Variants in CACNG2 observed in about 807,000 individuals in gnomAD.
CACNG2 encodes calcium voltage-gated channel auxiliary subunit gamma 2, also known as voltage-dependent calcium channel gamma-2 subunit.
In CACNG2, 3 loss-of-function variants were observed where a neutral mutation model predicts 25.9. The observed-to-expected ratio is 0.12, with a 90% CI of 0.05 to 0.30. CACNG2 has a LOEUF of 0.30. Ranked by LOEUF, CACNG2 falls within the 10% of genes least tolerant of loss-of-function variation. The pLI, the probability that CACNG2 is intolerant of heterozygous loss-of-function variation, is 1.00. For missense variants in CACNG2, 341 were observed against 432.5 expected, an observed-to-expected ratio of 0.79 and a Z score of 1.88; for synonymous variants, 167 against 173.3, an observed-to-expected ratio of 0.96 and a Z score of 0.29.
chr22:36,669,854 A>T (rs757535996), intron 1 of CACNG2, among the ~76,000 whole-genome samples: 3 of 152,114 alleles, frequency 2.0e-5, no homozygotes, highest in Non-Finnish European at 4.4e-5. Context: ...CTGGGATTAC[A>T]GGTGCCCAAC....
intron 1 of CACNG2, among the ~76,000 whole-genome samples, chr22:36,685,585 G>A (rs1250896016): frequency 2.0e-5 from 3 of 152,112 alleles, no homozygotes; most frequent in Non-Finnish European, 4.4e-5. Flanking sequence ...CTCGGCTGCC[G>A]AGGCCCATCG....
chr22:36,702,637 T>G lies in CACNG2; in HGVS notation c.-61A>C, dbSNP rs540561455. 7.7e-5 allele frequency: 104 copies of G among 1,352,346 alleles called. No homozygotes were observed. In the South Asian group the frequency reaches 9.7e-4, roughly 13 times the overall value. The allele number at this position is 1,352,346 out of a possible 1,614,324, so 83.8% of individuals were successfully genotyped here. On this transcript the variant is annotated 5_prime_UTR_variant, in exon 1 of 4. Transcript: ENST00000300105. ...GTTCTCGGGAGAGTGTGTGTGAGGG[T>G]GCAAGTACTAAAGCCAAAAAAAATA...
intron 2 of CACNG2, among the ~76,000 whole-genome samples, chr22:36,575,712 G>A (rs1169899967): frequency 6.6e-6 from 1 of 152,142 alleles, no homozygotes; most frequent in Non-Finnish European, 1.5e-5. Context: ...TGCCCATCAA[G>A]ACCTCTCCCC....
intron 2 of CACNG2, among the ~76,000 whole-genome samples, chr22:36,572,602 C>T (rs1209265425): frequency 4.6e-5 from 7 of 151,518 alleles, no homozygotes; most frequent in East Asian, 3.9e-4. Flanking sequence ...CTCGGGAGCC[C>T]GAGGCAGGAG....
At chr22:36,698,209 G>C (rs1024190886) in intron 1 of CACNG2, among the ~76,000 whole-genome samples, 1 of 151,018 alleles carries the variant, frequency 6.6e-6, no homozygotes, top group Admixed American at 6.6e-5. Flanking sequence ...TCTCTCTCTC[G>C]ATCACTTGGT....
intron 1 of CACNG2, among the ~76,000 whole-genome samples, chr22:36,686,620 T>G (rs1937202614): frequency 6.6e-6 from 1 of 152,152 alleles, no homozygotes; most frequent in Non-Finnish European, 1.5e-5. Context: ...AATGGCACAG[T>G]GCCTTCCGTC....
intron 1 of CACNG2, among the ~76,000 whole-genome samples, chr22:36,627,208 A>G: frequency 6.7e-6 from 1 of 150,262 alleles, no homozygotes; most frequent in African/African-American, 2.4e-5. Flanking sequence ...AGGAGGAAGG[A>G]GTGGGTAGGG....
At chr22:36,597,101 C>A (rs1408566522) in intron 1 of CACNG2, among the ~76,000 whole-genome samples, 1 of 152,222 alleles carries the variant, frequency 6.6e-6, no homozygotes, top group Non-Finnish European at 1.5e-5. Context: ...CAGCTCACTG[C>A]AACCTCCGCC....
At chr22:36,592,872 C>T (rs781417257) in intron 1 of CACNG2, among the ~76,000 whole-genome samples, 2 of 152,240 alleles carry the variant, frequency 1.3e-5, no homozygotes, top group African/African-American at 2.4e-5. Context: ...AGGTCAGGGC[C>T]GGGAATGGGA....
At chr22:36,680,799 T>A (rs1056994633) in intron 1 of CACNG2, among the ~76,000 whole-genome samples, 3 of 143,710 alleles carry the variant, frequency 2.1e-5, no homozygotes, top group African/African-American at 7.8e-5. Context: ...ATTGTCACCA[T>A]CAATCACCAC....
At chr22:36,607,359 G>T (rs1935855224) in intron 1 of CACNG2, among the ~76,000 whole-genome samples, 1 of 152,134 alleles carries the variant, frequency 6.6e-6, no homozygotes, top group Non-Finnish European at 1.5e-5. Context: ...GGTGACAGGT[G>T]ATCCTCCCAT....
intron 1 of CACNG2, among the ~76,000 whole-genome samples, chr22:36,673,445 G>C (rs1418666588): frequency 6.6e-6 from 1 of 152,152 alleles, no homozygotes; most frequent in Non-Finnish European, 1.5e-5. Flanking sequence ...ATGGTACCTT[G>C]CCTATGAAGA....
Position 36,670,058 on chromosome 22 carries a change from TTC to T in CACNG2, c.211+32306_211+32307del, listed in dbSNP as rs771488146. ...GAATGATTTGAATGCCAGGATCCAA[TTC>T]TCTCTGTGCCTCAGCCCTGATCTAA... On this transcript the variant is annotated intron_variant, in intron 1 of 3. Coordinates refer to ENST00000300105, the MANE Select transcript of CACNG2 (RefSeq NM_006078.5). 4.6e-5 allele frequency among the ~76,000 whole-genome samples: 7 copies of T among 152,318 alleles called. 1 individual carries two copies. The highest frequency in any genetic ancestry group is 6.5e-5 in the Admixed American group (1 of 15,302).
At chr22:36,652,825 C>T (rs1936640576) in intron 1 of CACNG2, among the ~76,000 whole-genome samples, 1 of 152,096 alleles carries the variant, frequency 6.6e-6, no homozygotes, top group South Asian at 2.1e-4. Flanking sequence ...GGCTGGGTCT[C>T]CACTGCTCTA....
intron 1 of CACNG2, among the ~76,000 whole-genome samples, chr22:36,690,754 G>T (rs572654096): frequency 3.3e-5 from 5 of 152,306 alleles, no homozygotes; most frequent in Admixed American, 3.3e-4. Flanking sequence ...CACTGGGAAA[G>T]AATGCATCCT....
intron 2 of CACNG2, among the ~76,000 whole-genome samples, chr22:36,586,037 G>A (rs1447664295): frequency 6.6e-6 from 1 of 152,256 alleles, no homozygotes; most frequent in Non-Finnish European, 1.5e-5. Context: ...CTTGTGCTCC[G>A]GGAATGTGGC....
chr22:36,670,178 G>A (rs1361409241), intron 1 of CACNG2, among the ~76,000 whole-genome samples: 1 of 152,168 alleles, frequency 6.6e-6, no homozygotes, highest in African/African-American at 2.4e-5. Flanking sequence ...GATACTGTGA[G>A]CAGCGTTGGA....
At chr22:36,672,145 CTA>C (rs1169764356) in intron 1 of CACNG2, among the ~76,000 whole-genome samples, 3 of 151,264 alleles carry the variant, frequency 2.0e-5, no homozygotes, top group Non-Finnish European at 4.4e-5. Context: ...CCTGGTGGGG[CTA>C]CATTTTTTTT....
chr22:36,679,191 T>TTCCC (rs1937059270), intron 1 of CACNG2, among the ~76,000 whole-genome samples: 1 of 83,206 alleles, frequency 1.2e-5, no homozygotes, highest in Non-Finnish European at 2.8e-5. Context: ...CCTTCCTTCC[T>TTCCC]TCCTTCCTTT....
Sources: allele counts gnomAD v4.1 joint callset (sites outside exome capture counted in the v4.1 genomes callset), GRCh38; gene constraint gnomAD v4.1.1; transcripts MANE v1.5; gene names NCBI Gene and HGNC (gene_info 2026-07-23, HGNC 2026-07-21).